Variants in CCDC169 observed in about 807,000 individuals in gnomAD.
CCDC169 encodes coiled-coil domain-containing protein 169.
A neutral mutation model predicts 36.0 loss-of-function variants in CCDC169; 30 were observed. The ratio of observed to expected loss-of-function variants is 0.83; its 90% CI spans 0.62 to 1.13. CCDC169 has a LOEUF of 1.13. Ranked by LOEUF, CCDC169 falls within the 50% of genes most tolerant of loss-of-function variation. The pLI, the probability that CCDC169 is intolerant of heterozygous loss-of-function variation, is 0.00. For missense variants in CCDC169, 245 were observed against 245.9 expected (o/e 1.00, Z 0.03); for synonymous variants, 85 against 81.5 (o/e 1.04, Z -0.23).
At chr13:36,278,185 A>G (rs940403736) in intron 4 of CCDC169, among the ~76,000 whole-genome samples, 4 of 152,218 alleles carry the variant, frequency 2.6e-5, no homozygotes, top group Non-Finnish European at 5.9e-5. Flanking sequence ...ACAGGAACTA[A>G]CAGAGCTTAC....
intron 4 of CCDC169, chr13:36,267,062 T>C (rs1441173497): frequency 1.3e-5 from 2 of 152,234 alleles, no homozygotes; most frequent in African/African-American, 4.8e-5. Context: ...CTGACAGTAA[T>C]GCAAGTCTTA....
chr13:36,296,251 C>G (rs1383855382), intron 1 of CCDC169, among the ~76,000 whole-genome samples: 1 of 152,162 alleles, frequency 6.6e-6, no homozygotes, highest in African/African-American at 2.4e-5. Context: ...GCCACCAAGC[C>G]CTGCTAATTT....
At chr13:36,290,970 G>A (rs1327194530) in intron 2 of CCDC169, among the ~76,000 whole-genome samples, 1 of 145,952 alleles carries the variant, frequency 6.9e-6, no homozygotes, top group East Asian at 2.2e-4. Flanking sequence ...GACCAAAAAA[G>A]GGGGAATATA....
chr13:36,278,357 G>A (rs968848131), intron 4 of CCDC169, among the ~76,000 whole-genome samples: 1 of 152,076 alleles, frequency 6.6e-6, no homozygotes, highest in Admixed American at 6.5e-5. Flanking sequence ...AGCCATGATG[G>A]TCTGATTCCA....
chr13:36,267,005 A>G (rs1178890856), intron 4 of CCDC169, among the ~76,000 whole-genome samples: 3 of 152,224 alleles, frequency 2.0e-5, no homozygotes, highest in Non-Finnish European at 4.4e-5. Flanking sequence ...AGATATGCCC[A>G]TGTAAAAGGA....
chr13:36,240,154 AT>A, intron 7 of CCDC169, among the ~76,000 whole-genome samples: 2 of 151,958 alleles, frequency 1.3e-5, no homozygotes, highest in East Asian at 1.9e-4. Context: ...GCTTCTCACT[AT>A]TTTTTTAAAC....
chr13:36,292,140 A>G (rs1357341816), intron 2 of CCDC169, among the ~76,000 whole-genome samples: 2 of 151,946 alleles, frequency 1.3e-5, no homozygotes, highest in Non-Finnish European at 2.9e-5. Context: ...GGCACCCACC[A>G]CCACACCTGA....
At chr13:36,288,070 G>A (rs538263022) in intron 2 of CCDC169, among the ~76,000 whole-genome samples, 32 of 151,598 alleles carry the variant, frequency 2.1e-4, no homozygotes, top group Admixed American at 2.6e-4. Flanking sequence ...GTGCAGTGGC[G>A]CAATCTTGGC....
chr13:36,257,408 A>C (rs1435709910), intron 4 of CCDC169, among the ~76,000 whole-genome samples: 1 of 152,142 alleles, frequency 6.6e-6, no homozygotes, highest in Non-Finnish European at 1.5e-5. Flanking sequence ...TCCTGCCTAC[A>C]AAGAGTCTGT....
chr13:36,241,161 G>A (rs904582098), intron 7 of CCDC169, among the ~76,000 whole-genome samples: 2 of 152,016 alleles, frequency 1.3e-5, no homozygotes, highest in Admixed American at 6.6e-5. Flanking sequence ...CTAATGTTCT[G>A]ATTTGTTCTG....
intron 4 of CCDC169, among the ~76,000 whole-genome samples, 159 bp from the exon 5 acceptor site, chr13:36,254,302 G>A (rs1873565099): frequency 7.9e-6 from 1 of 125,920 alleles, no homozygotes; most frequent in Admixed American, 9.2e-5. Context: ...TTTAGACAGA[G>A]TCTCACTCTG....
intron 6 of CCDC169, among the ~76,000 whole-genome samples, chr13:36,253,180 A>G (rs898914064): frequency 6.6e-6 from 1 of 152,242 alleles, no homozygotes; most frequent in Non-Finnish European, 1.5e-5. Context: ...AGATCTTACC[A>G]TGCATAATTA....
chr13:36,241,084 T>C (rs1871766847), intron 7 of CCDC169, among the ~76,000 whole-genome samples: 1 of 152,100 alleles, frequency 6.6e-6, no homozygotes. Flanking sequence ...ATAGTTAATA[T>C]TATATCAGGC....
At chr13:36,280,275 C>T (rs1484380131) in intron 4 of CCDC169, 1 of 152,090 alleles carries the variant, frequency 6.6e-6, no homozygotes, top group African/African-American at 2.4e-5. Context: ...GATCTCAACT[C>T]TATAAATTGT....
chr13:36,248,182 TA>T lies in CCDC169; in HGVS notation c.545+423del, dbSNP rs555573531. ...TACTTAATAGACTACAGTAATGGTA[TA>T]AAAAAAACTTTTATATATACTAAGA... On this transcript the variant is annotated intron_variant, in intron 7 of 7. Coordinates refer to ENST00000239859, the MANE Select transcript of CCDC169 (RefSeq NM_001144981.3). Among the ~76,000 whole-genome samples the T allele has an allele frequency of 2.1e-3, 324 of 152,106 alleles. 2 individuals carry two copies. Among genetic ancestry groups the T allele is most frequent in the African/African-American group, 7.7e-3 (321 of 41,512 alleles).
intron 2 of CCDC169, among the ~76,000 whole-genome samples, chr13:36,284,728 G>A (rs1444816818): frequency 6.6e-6 from 1 of 152,180 alleles, no homozygotes. Context: ...AGGGCAAAAA[G>A]ATGGCTTCTT....
intron 4 of CCDC169, among the ~76,000 whole-genome samples, chr13:36,281,458 A>G (rs1203199233): frequency 6.6e-6 from 1 of 152,196 alleles, no homozygotes; most frequent in Non-Finnish European, 1.5e-5. Context: ...CAAGAAAAAA[A>G]AAAGTTGGAG....
At position 36,297,683 on chromosome 13, in the gene CCDC169, T is replaced by A; in HGVS notation, c.37A>T (p.Ser13Cys). The change falls in exon 1 of 8, where the codon AGC becomes TGC. Residue 13 changes from serine to cysteine, a missense_variant. By Grantham distance (112) the Ser-to-Cys change is moderately radical (BLOSUM62 -1). Transcript: ENST00000239859. ...AACTGCTGTTTCAGGCGGTTGGTGC[T>A]CACACCGTCGAAGTTGTAGTTTCTC... ...EERNYNFDGV[S>C]TNRLKQQLLE... 1 of 1,551,336 alleles carries A rather than the reference T, an allele frequency of 6.4e-7. No individual in the cohort carries two copies. Among genetic ancestry groups the A allele is most frequent in the Non-Finnish European group, 8.7e-7 (1 of 1,146,998 alleles).
At chr13:36,230,527 TTAAG>T (rs139813070), downstream of CCDC169, among the ~76,000 whole-genome samples, 26 of 152,328 alleles carry the variant, frequency 1.7e-4, no homozygotes, top group Admixed American at 3.9e-4. Context: ...ATCACCAGTG[TTAAG>T]TAAGTGGTAG....
Sources: gnomAD v4.1 joint callset for allele counts (sites outside exome capture counted in the v4.1 genomes callset) on GRCh38, gnomAD v4.1.1 for gene constraint, MANE v1.5 for transcripts, NCBI Gene and HGNC (gene_info 2026-07-23, HGNC 2026-07-21) for gene names.